ZPR1: variants seen among roughly 807,000 people sequenced by gnomAD.
The protein encoded by ZPR1 is ZPR1 zinc finger, also known as zinc finger protein ZPR1.
Under a neutral mutation model 59.6 loss-of-function variants are expected in ZPR1, and 37 were observed. That is an observed-to-expected ratio of 0.62 (90% CI 0.48 to 0.82). The LOEUF (loss-of-function observed/expected upper bound fraction) is 0.82, where lower values mean the gene tolerates loss of function less well. Ranked by LOEUF, ZPR1 falls within the 40% of genes least tolerant of loss-of-function variation. ZPR1 has a pLI of 0.00. For synonymous variants in ZPR1, 191 were observed against 215.2 expected (o/e 0.89, Z 0.99); for missense variants, 527 against 579.9 (o/e 0.91, Z 0.94).
At chr11:116,787,344 G>T in intron 2 of ZPR1, 138 bp downstream of exon 2, 1 of 904,820 alleles carries the variant, frequency 1.1e-6, no homozygotes, top group Non-Finnish European at 1.7e-6. Context: ...GACAACACCA[G>T]TACCATTTTA....
rs1180410996 is a variant in ZPR1, at chr11:116,778,432, G to A, written c.*493C>T. 1 of 156,710 alleles carries A rather than the reference G, an allele frequency of 6.4e-6. No individual in the cohort carries two copies. The highest frequency in any genetic ancestry group is 2.4e-5 in the African/African-American group (1 of 41,488). 9.7% of individuals were successfully genotyped at this position (156,710 alleles called of 1,614,324 possible). On this transcript the variant is annotated 3_prime_UTR_variant, in exon 14 of 14. Transcript: ENST00000227322. ...CAAACAAGGATAGGGTCAATACAGA[G>A]GCCAGTGCTGTTTGAAAGTCATCAT...
At chr11:116,787,386 G>A in intron 2 of ZPR1, 96 bp downstream of exon 2, 2 of 1,294,442 alleles carry the variant, frequency 1.5e-6, no homozygotes. Flanking sequence ...GACATAGGGG[G>A]ATTTATTTAA....
Position 116,778,908 on chromosome 11 carries a change from C to G in ZPR1, c.*17G>C. 6.2e-7 allele frequency: 1 copy of G among 1,612,662 alleles called. No homozygotes were observed. The highest frequency in any genetic ancestry group is 8.5e-7 in the Non-Finnish European group (1 of 1,179,796). ...AGAAAGAGCAGCGCTGGAGGCTGGC[C>G]CTTGAGCCACCCACTGCTACCGTTG... On this transcript the variant is annotated 3_prime_UTR_variant, in exon 14 of 14. Transcript: ENST00000227322.
Position 116,785,865 on chromosome 11 carries a change from T to C in ZPR1, c.513A>G (p.Thr171=). Residue 171 remains threonine, a synonymous_variant, in exon 5 of 14, where the codon ACA becomes ACG. Transcript: ENST00000227322. ...QPARRANKDA[T]AERIDEFIVK... ...CAATGAACTCATCAATTCTTTCAGC[T>C]GTAGCATCTTTGTTTGCCTGCCATG... is the stretch of plus-strand genomic sequence containing the variant. 1 of 1,614,228 alleles carries C rather than the reference T, an allele frequency of 6.2e-7. No individual in the cohort carries two copies. Among genetic ancestry groups the C allele is most frequent in the Non-Finnish European group, 8.5e-7 (1 of 1,180,032 alleles).
chr11:116,783,147 T>G, intron 10 of ZPR1, 118 bp from the exon 11 acceptor site: 1 of 707,352 alleles, frequency 1.4e-6, no homozygotes, highest in Non-Finnish European at 2.4e-6. Context: ...CTGTCTCAGT[T>G]TTCTCTGACT....
chr11:116,783,500 C>T (rs755329681), intron 10 of ZPR1, 30 bp downstream of exon 10: 3 of 1,570,266 alleles, frequency 1.9e-6, no homozygotes, highest in East Asian at 4.5e-5. Context: ...CTTATGAGGA[C>T]AACAGTGACT....
chr11:116,784,481 G>A (rs1462908986), intron 8 of ZPR1, 33 bp from the exon 9 acceptor site: 3 of 1,600,644 alleles, frequency 1.9e-6, no homozygotes, highest in Non-Finnish European at 2.6e-6. Flanking sequence ...TCTACTTCCA[G>A]GCGAACAAGA....
Position 116,787,913 on chromosome 11 carries a change from A to AGGCGGCGGGGCCGGGGCG in ZPR1, c.60_77dup (p.Ala23_Pro28dup), listed in dbSNP as rs1234556314. On this transcript the variant is annotated inframe_insertion, in exon 1 of 14. Transcript: ENST00000227322. ...TGGGCCGGAACAGGTGATCAGGGGC[A>AGGCGGCGGGGCCGGGGCG]GGCGGCGGGGCCGGGGCGGGCGACG... The AGGCGGCGGGGCCGGGGCG allele has an allele frequency of 9.9e-6, 15 of 1,517,762 alleles. No individual in the cohort carries two copies. The South Asian group carries it at 1.2e-4, about 12-fold the overall frequency. The allele number at this position is 1,517,762 out of a possible 1,614,324, so 94.0% of individuals were successfully genotyped here.
In ZPR1 at chr11:116,777,663, CAA is replaced by C. The variant is rs10557251; in HGVS notation, c.*1260_*1261del. 0.43 allele frequency: 56,192 copies of C among 130,978 alleles called. 11,509 individuals are homozygous for C. Among genetic ancestry groups the C allele is most frequent in the African/African-American group, 0.54 (19,039 of 35,312 alleles). The allele number at this position is 130,978 out of a possible 1,614,324, so 8.1% of individuals were successfully genotyped here. A position where few individuals can be genotyped will look rare whatever the true frequency, so the allele number is the denominator to read the frequency against. On this transcript the variant is annotated 3_prime_UTR_variant, in exon 14 of 14. Transcript: ENST00000227322. Reference sequence around the variant, plus strand: ...CAACAGCGCGAGACTCTGTCTCTACCAAAAAAAAAAAAAAAAAAAGTTTGCAA... The same window carrying C: ...CAACAGCGCGAGACTCTGTCTCTACCAAAAAAAAAAAAAAAAAGTTTGCAA...
chr11:116,784,800 T>C, intron 8 of ZPR1, 55 bp downstream of exon 8: 1 of 1,572,482 alleles, frequency 6.4e-7, no homozygotes, highest in Non-Finnish European at 8.8e-7. Flanking sequence ...AGCCTGATTA[T>C]AATCTTCATG....
rs371492003 is a variant in ZPR1, at chr11:116,787,773, G to A, written c.171+47C>T. ...TGGGTCTGACCCCCGGCTCGTCCCGGCACAAGCCCTACCCACCCGCCGCTC... is the reference window on the plus strand; with the variant it reads ...TGGGTCTGACCCCCGGCTCGTCCCGACACAAGCCCTACCCACCCGCCGCTC... On this transcript the variant is annotated intron_variant, in intron 1 of 13. Transcript: ENST00000227322. 7 of 1,527,342 alleles carry A rather than the reference G, an allele frequency of 4.6e-6. No individual in the cohort carries two copies. The African/African-American group carries it at 6.9e-5, about 15-fold the overall frequency. The allele number at this position is 1,527,342 out of a possible 1,614,324, so 94.6% of individuals were successfully genotyped here.
At chr11:116,781,227 G>T (rs1159155436) in intron 12 of ZPR1, among the ~76,000 whole-genome samples, 1 of 151,780 alleles carries the variant, frequency 6.6e-6, no homozygotes, top group Admixed American at 6.6e-5. Context: ...AAAAAAATCA[G>T]AAAAAAGATA....
chr11:116,786,986 G>C lies in ZPR1; in HGVS notation c.407C>G (p.Ala136Gly), dbSNP rs779214225. Reference protein sequence around the residue: ...RIPELDFEIPAFSQKGALTTV... With the variant: ...RIPELDFEIPGFSQKGALTTV... ...AAACTTACCTCCTTTCTGGCTAAAGGCAGGAATTTCAAAATCTAGCTCAGG... is the reference window on the plus strand; with the variant it reads ...AAACTTACCTCCTTTCTGGCTAAAGCCAGGAATTTCAAAATCTAGCTCAGG... The change falls in exon 3 of 14, where the codon GCC becomes GGC. Residue 136 changes from alanine (A) to glycine (G), a missense_variant. Physicochemically the swap from Ala to Gly is moderately conservative, Grantham distance 60. Transcript: ENST00000227322. 1.9e-6 allele frequency: 3 copies of C among 1,613,922 alleles called. No individual in the cohort carries two copies. In the East Asian group the frequency reaches 6.7e-5, roughly 36 times the overall value.
chr11:116,784,537 C>T, intron 8 of ZPR1, 89 bp from the exon 9 acceptor site: 1 of 1,268,260 alleles, frequency 7.9e-7, no homozygotes, highest in Non-Finnish European at 1.2e-6. Flanking sequence ...CAAACATATG[C>T]TGGTCCCAGA....
At chr11:116,785,471 C>T (rs749651116) in intron 6 of ZPR1, 43 bp downstream of exon 6, 22 of 1,606,010 alleles carry the variant, frequency 1.4e-5, no homozygotes, top group East Asian at 8.9e-5. Flanking sequence ...CCAGAGTGCG[C>T]GATAATTCCA....
At chr11:116,785,921 G>A (rs1156850093) in intron 4 of ZPR1, 39 bp from the exon 5 acceptor site, 2 of 1,569,824 alleles carry the variant, frequency 1.3e-6, no homozygotes, top group Admixed American at 1.7e-5. Context: ...CCCTGGTGGT[G>A]TACCTTATGC....
At position 116,785,809 on chromosome 11, in the gene ZPR1, G is replaced by A. The variant is rs1417402108; in HGVS notation, c.569C>T (p.Ser190Phe). Residue 190 changes from serine to phenylalanine, a missense_variant, in exon 5 of 14, where the codon TCC becomes TTC. Coordinates refer to ENST00000227322, the MANE Select transcript of ZPR1 (RefSeq NM_003904.5). The stretch of plus-strand genomic sequence containing the variant: ...CTCAATACTCACCAGAGTGAAAGGG[G>A]AGGCTACTTGCTTTAGCTCCTTCAG... ...VKLKELKQVASPFTLIIDDPS... is the reference protein window; with the variant it reads ...VKLKELKQVAFPFTLIIDDPS... 28 of 1,614,024 alleles carry A rather than the reference G, an allele frequency of 1.7e-5. No homozygotes were observed. The highest frequency in any genetic ancestry group is 2.4e-5 in the Non-Finnish European group (28 of 1,180,014).
chr11:116,782,756 T>TGTC (rs1358571056), intron 11 of ZPR1, among the ~76,000 whole-genome samples, 163 bp downstream of exon 11: 1 of 152,214 alleles, frequency 6.6e-6, no homozygotes, highest in Non-Finnish European at 1.5e-5. Flanking sequence ...CCCATAAACT[T>TGTC]GTCTTCACCA....
intron 2 of ZPR1, 81 bp from the exon 3 acceptor site, chr11:116,787,140 A>G (rs1368952308): frequency 1.6e-6 from 2 of 1,255,752 alleles, no homozygotes; most frequent in African/African-American, 2.9e-5. Flanking sequence ...GTCCCCTTCC[A>G]TCAGACCGCA....
Sources: allele counts gnomAD v4.1 joint callset (sites outside exome capture counted in the v4.1 genomes callset), GRCh38; gene constraint gnomAD v4.1.1; transcripts MANE v1.5; gene names NCBI Gene and HGNC (gene_info 2026-07-23, HGNC 2026-07-21).